EXOC6B: variants seen among roughly 807,000 people sequenced by gnomAD.
EXOC6B encodes the protein SEC15 homolog B.
EXOC6B carries 54 observed loss-of-function variants against 113.5 expected under a neutral mutation model. That is an observed-to-expected ratio of 0.48 (90% CI 0.38 to 0.60). The LOEUF (loss-of-function observed/expected upper bound fraction) is 0.60. EXOC6B is among the 20% of genes least tolerant of loss of function. The probability of loss-of-function intolerance (pLI) is 0.00; values close to 1 mark genes in which losing one functional copy is unlikely to be tolerated. For synonymous variants in EXOC6B, 357 were observed against 339.0 expected, an observed-to-expected ratio of 1.05 and a Z score of -0.58; for missense variants, 797 against 977.5, an observed-to-expected ratio of 0.82 and a Z score of 2.46.
intron 18 of EXOC6B, among the ~76,000 whole-genome samples, chr2:72,423,842 A>G (rs758013458): frequency 6.6e-6 from 1 of 152,178 alleles, no homozygotes; most frequent in African/African-American, 2.4e-5. Context: ...ATATTCAATA[A>G]TATCAAACGT....
chr2:72,384,010 G>A lies in EXOC6B; in HGVS notation c.1981-4140C>T, dbSNP rs1202562692. ...TAGGGCCTGCTTGAGGGTGGAAGAT[G>A]GGAGAAGTGAGAGGATCAGAAAAAA... On this transcript the variant is annotated intron_variant, in intron 18 of 21. Coordinates refer to ENST00000272427, the MANE Select transcript of EXOC6B (RefSeq NM_015189.3). Among the ~76,000 whole-genome samples the A allele has an allele frequency of 2.6e-5, 4 of 152,062 alleles. No homozygotes were observed. In the East Asian group the frequency reaches 7.7e-4, roughly 29 times the overall value.
chr2:72,562,786 G>C lies in EXOC6B; in HGVS notation c.847-3265C>G, dbSNP rs1391479730. Among the ~76,000 whole-genome samples the C allele has an allele frequency of 2.0e-5, 3 of 152,110 alleles. No individual in the cohort carries two copies. In the East Asian group the frequency reaches 5.8e-4, roughly 29 times the overall value. ...ATTAGAATAGTTAAACATTTCCTCTGCCTGGCAGTCAGGAACTCAAGACTT... is the reference window on the plus strand; with the variant it reads ...ATTAGAATAGTTAAACATTTCCTCTCCCTGGCAGTCAGGAACTCAAGACTT... On this transcript the variant is annotated intron_variant, in intron 7 of 21. Coordinates refer to ENST00000272427, the MANE Select transcript of EXOC6B (RefSeq NM_015189.3).
chr2:72,274,973 G>T (rs145860835), intron 20 of EXOC6B, among the ~76,000 whole-genome samples: 1 of 152,146 alleles, frequency 6.6e-6, no homozygotes, highest in Non-Finnish European at 1.5e-5. Context: ...GAATGATGCA[G>T]AGTTCTTTTT....
At chr2:72,527,117 T>C (rs767775935) in intron 8 of EXOC6B, among the ~76,000 whole-genome samples, 1 of 152,030 alleles carries the variant, frequency 6.6e-6, no homozygotes, top group Non-Finnish European at 1.5e-5. Flanking sequence ...TCAATTTCTA[T>C]ATCATTTCCA....
chr2:72,487,342 T>TTTTTG (rs141388449), intron 16 of EXOC6B, among the ~76,000 whole-genome samples: 17,991 of 151,728 alleles, frequency 0.12, 1,151 homozygotes, highest in African/African-American at 0.18. Flanking sequence ...CACTGACAGT[T>TTTTTG]TTTTGTTTTG....
rs1680413930 is a variant in EXOC6B, at chr2:72,728,146, C to G, written c.464+2861G>C. ...AACAATGGTAGGATAAATGGGAAAT[C>G]ACCATAGAGAACAACAATAAGATCA... On this transcript the variant is annotated intron_variant, in intron 5 of 21. Coordinates refer to ENST00000272427, the MANE Select transcript of EXOC6B (RefSeq NM_015189.3). 1.3e-5 allele frequency among the ~76,000 whole-genome samples: 2 copies of G among 152,072 alleles called. 1 individual carries two copies. Among genetic ancestry groups the G allele is most frequent in the South Asian group, 4.2e-4 (2 of 4,802 alleles).
chr2:72,324,789 A>G (rs1019889556), intron 20 of EXOC6B, among the ~76,000 whole-genome samples: 2 of 151,998 alleles, frequency 1.3e-5, no homozygotes, highest in African/African-American at 4.8e-5. Context: ...CAGAAGCCCT[A>G]TTTTTCTGAT....
chr2:72,300,106 C>T (rs766011478), intron 20 of EXOC6B, among the ~76,000 whole-genome samples: 19 of 152,162 alleles, frequency 1.2e-4, no homozygotes, highest in Non-Finnish European at 5.9e-5. Flanking sequence ...TTTAAGTCTG[C>T]TGAAGCTGTG....
intron 8 of EXOC6B, among the ~76,000 whole-genome samples, chr2:72,525,894 T>C (rs1701726163): frequency 6.6e-6 from 1 of 152,156 alleles, no homozygotes; most frequent in African/African-American, 2.4e-5. Context: ...ACTGAGTGTC[T>C]GCATATGATG....
At chr2:72,189,830 GTCTC>G (rs1305636856) in intron 20 of EXOC6B, among the ~76,000 whole-genome samples, 2 of 92,232 alleles carry the variant, frequency 2.2e-5, no homozygotes, top group Non-Finnish European at 4.2e-5. Context: ...CATTCTCTCT[GTCTC>G]TCTCTCTCTC....
intron 6 of EXOC6B, among the ~76,000 whole-genome samples, chr2:72,651,392 G>T (rs1444529225): frequency 1.3e-5 from 2 of 152,142 alleles, no homozygotes; most frequent in East Asian, 3.8e-4. Flanking sequence ...AAGTGAGGTG[G>T]GCAGAACTGA....
chr2:72,300,818 G>C (rs1189710103), intron 20 of EXOC6B, among the ~76,000 whole-genome samples: 1 of 152,092 alleles, frequency 6.6e-6, no homozygotes, highest in Non-Finnish European at 1.5e-5. Context: ...TGGGTGAGGC[G>C]ATGCCCCACC....
chr2:72,736,044 G>A (rs576523180), intron 2 of EXOC6B, among the ~76,000 whole-genome samples: 7 of 151,864 alleles, frequency 4.6e-5, no homozygotes, highest in African/African-American at 1.2e-4. Context: ...TTAGCTGGGC[G>A]TAGTGGCATG....
chr2:72,262,832 CA>C (rs1209548292), intron 20 of EXOC6B, among the ~76,000 whole-genome samples: 1 of 152,010 alleles, frequency 6.6e-6, no homozygotes, highest in Admixed American at 6.6e-5. Flanking sequence ...ATCAATAAGA[CA>C]AAAGGCATTG....
At chr2:72,397,142 C>T (rs950297930) in intron 18 of EXOC6B, among the ~76,000 whole-genome samples, 3 of 152,108 alleles carry the variant, frequency 2.0e-5, no homozygotes, top group African/African-American at 7.2e-5. Context: ...CCTGTAGAAG[C>T]TCTTTTGTCT....
chr2:72,319,062 T>C lies in EXOC6B; in HGVS notation c.2196+15885A>G, dbSNP rs561120611. 7.9e-5 allele frequency among the ~76,000 whole-genome samples: 12 copies of C among 152,070 alleles called. No homozygotes were observed. The East Asian group carries it at 9.6e-4, about 12-fold the overall frequency. ...AGAATGCTTACAACTCTTATATAAA[T>C]AATTTACATTAAGGAGTAATTCAGA... On this transcript the variant is annotated intron_variant, in intron 20 of 21. Coordinates refer to ENST00000272427, the MANE Select transcript of EXOC6B (RefSeq NM_015189.3).
rs1335753677 is a variant in EXOC6B, at chr2:72,539,747, TGTGC to T, written c.915+19702_915+19705del. 9.9e-4 allele frequency among the ~76,000 whole-genome samples: 132 copies of T among 132,982 alleles called. 2 individuals are homozygous for T. Among genetic ancestry groups the T allele is most frequent in the East Asian group, 9.2e-3 (39 of 4,224 alleles). The allele number at this position is 132,982 out of a possible 152,430, so 87.2% of individuals were successfully genotyped here. On this transcript the variant is annotated intron_variant, in intron 8 of 21. Transcript: ENST00000272427. Reference sequence around the variant, plus strand: ...TGTGGGCTATGCGTGTGTGTGTGTGTGTGCGCGCGCGCGCGCGTGTGTGTAGTCT... The same window carrying T: ...TGTGGGCTATGCGTGTGTGTGTGTGTGCGCGCGCGCGCGTGTGTGTAGTCT...
At chr2:72,293,902 G>A (rs144853784) in intron 20 of EXOC6B, among the ~76,000 whole-genome samples, 1 of 152,022 alleles carries the variant, frequency 6.6e-6, no homozygotes, top group East Asian at 1.9e-4. Context: ...ATGGAAAAAG[G>A]CTCTAGGATT....
chr2:72,475,639 C>A (rs1698693696), intron 17 of EXOC6B, among the ~76,000 whole-genome samples: 1 of 152,110 alleles, frequency 6.6e-6, no homozygotes, highest in African/African-American at 2.4e-5. Flanking sequence ...GCACCAGATG[C>A]AGTAGTTAGG....
Sources: gnomAD v4.1 joint callset for allele counts (sites outside exome capture counted in the v4.1 genomes callset) on GRCh38, gnomAD v4.1.1 for gene constraint, MANE v1.5 for transcripts, NCBI Gene and HGNC (gene_info 2026-07-23, HGNC 2026-07-21) for gene names.